Variants in ADGRL4 observed in about 807,000 individuals in gnomAD.
ADGRL4 encodes adhesion G protein-coupled receptor L4, also known as EGF, latrophilin and seven transmembrane domain containing 1.
In ADGRL4, 90 loss-of-function variants were observed where a neutral mutation model predicts 74.8. The ratio of observed to expected loss-of-function variants is 1.20; its 90% CI spans 1.02 to 1.43. The LOEUF (loss-of-function observed/expected upper bound fraction) is 1.43. Among genes scored for constraint, ADGRL4 ranks in the 40% most tolerant of loss-of-function variants. The probability of loss-of-function intolerance (pLI) is 0.00; values close to 1 mark genes in which losing one functional copy is unlikely to be tolerated. For synonymous variants in ADGRL4, 311 were observed against 279.2 expected (o/e 1.11, Z -1.14); for missense variants, 881 against 814.3 (o/e 1.08, Z -1.00).
At chr1:78,981,013 C>A (rs1650387233) in intron 2 of ADGRL4, among the ~76,000 whole-genome samples, 1 of 151,878 alleles carries the variant, frequency 6.6e-6, no homozygotes, top group African/African-American at 2.4e-5. Context: ...TAATACTGGA[C>A]CCCTGAGTAC....
chr1:78,993,952 A>G (rs1484002739), intron 2 of ADGRL4, among the ~76,000 whole-genome samples: 1 of 152,186 alleles, frequency 6.6e-6, no homozygotes, highest in Non-Finnish European at 1.5e-5. Flanking sequence ...TATTTGATAC[A>G]TAAGATCCAA....
chr1:79,004,694 A>C (rs1571988), intron 2 of ADGRL4, among the ~76,000 whole-genome samples: 110,495 of 151,744 alleles, frequency 0.73, 40,369 homozygotes, highest in Middle Eastern at 0.78. Flanking sequence ...TATAGGTATA[A>C]AAATACTTAT....
intron 14 of ADGRL4, 119 bp downstream of exon 14, chr1:78,891,405 A>T (rs765711623): frequency 1.0e-5 from 13 of 1,247,742 alleles, no homozygotes; most frequent in Non-Finnish European, 1.4e-5. Context: ...ATGAACAGCT[A>T]GGCGATTTAG....
intron 2 of ADGRL4, among the ~76,000 whole-genome samples, chr1:78,991,048 C>T (rs1402254477): frequency 1.3e-5 from 2 of 152,052 alleles, no homozygotes; most frequent in African/African-American, 4.8e-5. Context: ...TACATGTCAA[C>T]TTTAATTATC....
chr1:78,897,202 C>T (rs1648416243), intron 12 of ADGRL4, among the ~76,000 whole-genome samples: 2 of 152,132 alleles, frequency 1.3e-5, no homozygotes, highest in African/African-American at 4.8e-5. Context: ...TCTCCTTGAC[C>T]AAGCTTTAGC....
intron 10 of ADGRL4, among the ~76,000 whole-genome samples, chr1:78,918,341 T>G (rs1429941617): frequency 6.6e-6 from 1 of 151,944 alleles, no homozygotes; most frequent in African/African-American, 2.4e-5. Context: ...TTGTGGATTA[T>G]TCTCATGTAA....
At chr1:78,964,565 C>T (rs1337169795) in intron 2 of ADGRL4, among the ~76,000 whole-genome samples, 1 of 152,198 alleles carries the variant, frequency 6.6e-6, no homozygotes, top group East Asian at 1.9e-4. Context: ...CCTAGCACTA[C>T]TGTTAGCAAT....
chr1:79,005,415 C>CT (rs750523672), intron 1 of ADGRL4, among the ~76,000 whole-genome samples, 196 bp from the exon 2 acceptor site: 15 of 152,060 alleles, frequency 9.9e-5, no homozygotes, highest in African/African-American at 2.9e-4. Context: ...AAGATGAAGG[C>CT]TTTTTTTGTT....
intron 12 of ADGRL4, among the ~76,000 whole-genome samples, chr1:78,911,614 A>AACAC (rs34707725): frequency 2.9e-4 from 43 of 150,056 alleles, no homozygotes; most frequent in African/African-American, 1.0e-3. Context: ...TCAAGATCTA[A>AACAC]ACACACACAC....
In ADGRL4 at chr1:78,892,717, G is replaced by C. The variant is rs1040080045; in HGVS notation, c.1841+381C>G. On this transcript the variant is annotated intron_variant, in intron 13 of 14. Coordinates refer to ENST00000370742, the MANE Select transcript of ADGRL4 (RefSeq NM_022159.4). ...TCATTTTCAAGGTTTCAATAAATCA[G>C]TTTTAAAGCGGGAGGGTGGGTGTAA... Among the ~76,000 whole-genome samples, 3 of 151,982 alleles carry C rather than the reference G, an allele frequency of 2.0e-5. No homozygotes were observed. The East Asian group carries it at 5.8e-4, about 29-fold the overall frequency.
intron 12 of ADGRL4, 134 bp downstream of exon 12, chr1:78,917,500 A>C (rs1648901044): frequency 2.2e-6 from 1 of 458,712 alleles, no homozygotes; most frequent in Non-Finnish European, 3.9e-6. Flanking sequence ...TAGTATATGT[A>C]AAATGCTGAT....
At chr1:78,988,735 T>C (rs1258140725) in intron 2 of ADGRL4, among the ~76,000 whole-genome samples, 3 of 151,834 alleles carry the variant, frequency 2.0e-5, no homozygotes, top group Non-Finnish European at 2.9e-5. Context: ...TACAGATCCA[T>C]GATTTTTCTC....
chr1:78,925,453 C>A (rs1649091702), intron 8 of ADGRL4, among the ~76,000 whole-genome samples: 1 of 151,962 alleles, frequency 6.6e-6, no homozygotes, highest in Admixed American at 6.6e-5. Flanking sequence ...ATTACTGTTA[C>A]TATTCTTCTG....
chr1:78,962,961 T>C (rs1649984591), intron 2 of ADGRL4, among the ~76,000 whole-genome samples: 1 of 152,196 alleles, frequency 6.6e-6, no homozygotes, highest in South Asian at 2.1e-4. Flanking sequence ...AAAGCTATTG[T>C]GTGTATGAAA....
chr1:78,954,827 A>G (rs893488344), intron 2 of ADGRL4, among the ~76,000 whole-genome samples: 4 of 152,148 alleles, frequency 2.6e-5, no homozygotes, highest in African/African-American at 9.6e-5. Flanking sequence ...AGGGAACTAG[A>G]CAAACGTGCA....
intron 2 of ADGRL4, among the ~76,000 whole-genome samples, chr1:78,950,854 G>A (rs776412828): frequency 6.6e-5 from 10 of 152,132 alleles, no homozygotes; most frequent in South Asian, 2.1e-4. Flanking sequence ...CCACTTACCA[G>A]GACAGGGAGA....
chr1:78,929,690 A>C (rs1649198855), intron 7 of ADGRL4, among the ~76,000 whole-genome samples: 1 of 151,446 alleles, frequency 6.6e-6, no homozygotes, highest in Admixed American at 6.6e-5. Flanking sequence ...ATTTGTCCTT[A>C]TTTTTAAGAT....
chr1:78,903,631 TAA>T (rs748303546), intron 12 of ADGRL4, among the ~76,000 whole-genome samples: 1 of 151,100 alleles, frequency 6.6e-6, no homozygotes, highest in Non-Finnish European at 1.5e-5. Flanking sequence ...AGTGGAAGTT[TAA>T]AAAAAAAGTC....
chr1:78,919,520 T>C (rs982240077), intron 10 of ADGRL4, among the ~76,000 whole-genome samples: 2 of 151,966 alleles, frequency 1.3e-5, no homozygotes, highest in African/African-American at 4.8e-5. Context: ...ACTGCATTAC[T>C]GTGTGGAATG....
Sources: gnomAD v4.1 joint callset for allele counts (sites outside exome capture counted in the v4.1 genomes callset) on GRCh38, gnomAD v4.1.1 for gene constraint, MANE v1.5 for transcripts, NCBI Gene and HGNC (gene_info 2026-07-23, HGNC 2026-07-21) for gene names.